COG5: variants seen among roughly 807,000 people sequenced by gnomAD.
COG5 encodes conserved oligomeric Golgi complex subunit 5.
Under a neutral mutation model 110.4 loss-of-function variants are expected in COG5, and 86 were observed. The observed-to-expected ratio is 0.78, with a 90% confidence interval of 0.65 to 0.93. The LOEUF (loss-of-function observed/expected upper bound fraction) is 0.93, where lower values mean the gene tolerates loss of function less well. Ranked by LOEUF, COG5 falls within the 40% of genes least tolerant of loss-of-function variation. The pLI is 0.00. For missense variants in COG5, 1,077 were observed against 987.0 expected, an observed-to-expected ratio of 1.09 and a Z score of -1.22; for synonymous variants, 360 against 334.6, an observed-to-expected ratio of 1.08 and a Z score of -0.83.
intron 5 of COG5, among the ~76,000 whole-genome samples, chr7:107,541,269 G>A (rs1047528449): frequency 4.6e-5 from 7 of 150,810 alleles, no homozygotes; most frequent in Admixed American, 4.6e-4. Flanking sequence ...GGCCAATACA[G>A]GTGGAATGCT....
chr7:107,252,397 G>A (rs188961251), intron 16 of COG5, among the ~76,000 whole-genome samples: 91 of 152,258 alleles, frequency 6.0e-4, no homozygotes, highest in African/African-American at 2.1e-3. Flanking sequence ...GAATTAATGT[G>A]TAGTTATAAG....
intron 6 of COG5, 150 bp from the exon 7 acceptor site, chr7:107,412,782 T>G (rs911176654): frequency 1.8e-5 from 11 of 597,028 alleles, no homozygotes; most frequent in Non-Finnish European, 2.9e-6. Context: ...AAAATACAGT[T>G]TCCCAAATAT....
chr7:107,492,761 C>T (rs1184112825), intron 6 of COG5, among the ~76,000 whole-genome samples: 1 of 152,084 alleles, frequency 6.6e-6, no homozygotes, highest in East Asian at 1.9e-4. Context: ...GAATAATCTC[C>T]CCATCTCAAA....
intron 19 of COG5, among the ~76,000 whole-genome samples, chr7:107,213,914 G>C (rs897468870): frequency 2.6e-5 from 4 of 152,064 alleles, no homozygotes; most frequent in African/African-American, 9.7e-5. Flanking sequence ...TCTAATAATG[G>C]ACCCTAAAGA....
intron 7 of COG5, among the ~76,000 whole-genome samples, chr7:107,378,917 A>G (rs1291740184): frequency 2.0e-5 from 3 of 152,222 alleles, no homozygotes; most frequent in Non-Finnish European, 4.4e-5. Flanking sequence ...CAGGAAATAC[A>G]GAGAACACCA....
intron 5 of COG5, among the ~76,000 whole-genome samples, chr7:107,545,200 G>T (rs1802321861): frequency 6.6e-6 from 1 of 152,108 alleles, no homozygotes; most frequent in South Asian, 2.1e-4. Flanking sequence ...AGAGAGAGAA[G>T]AAAGTTTATT....
intron 12 of COG5, among the ~76,000 whole-genome samples, chr7:107,284,015 C>T (rs1056790356): frequency 2.7e-5 from 4 of 150,176 alleles, no homozygotes; most frequent in African/African-American, 4.9e-5. Context: ...ACCTCTACCT[C>T]CTGGGTTCAA....
intron 14 of COG5, among the ~76,000 whole-genome samples, chr7:107,274,654 T>C (rs1388496673): frequency 6.6e-6 from 1 of 152,120 alleles, no homozygotes; most frequent in Non-Finnish European, 1.5e-5. Context: ...AAAAGACACC[T>C]AGCTAGCACC....
intron 6 of COG5, among the ~76,000 whole-genome samples, chr7:107,452,669 G>A (rs1795411268): frequency 6.6e-6 from 1 of 152,004 alleles, no homozygotes; most frequent in Non-Finnish European, 1.5e-5. Flanking sequence ...TGATTGTGAG[G>A]CCTCCCCAGC....
chr7:107,547,632 C>T (rs1172756350), intron 5 of COG5, among the ~76,000 whole-genome samples: 2 of 152,046 alleles, frequency 1.3e-5, no homozygotes, highest in African/African-American at 2.4e-5. Flanking sequence ...GATAAAGGAC[C>T]CTAAAGACTC....
chr7:107,272,720 ACTAT>A (rs766332778), intron 14 of COG5, among the ~76,000 whole-genome samples: 3 of 152,180 alleles, frequency 2.0e-5, no homozygotes, highest in Non-Finnish European at 2.9e-5. Context: ...ATATGCTAAG[ACTAT>A]CTAAGAGATA....
intron 19 of COG5, among the ~76,000 whole-genome samples, chr7:107,225,329 G>A (rs1042756402): frequency 4.6e-5 from 7 of 151,494 alleles, no homozygotes; most frequent in Non-Finnish European, 8.8e-5. Flanking sequence ...ATTTTCAAAT[G>A]GGAAAAACAA....
intron 18 of COG5, among the ~76,000 whole-genome samples, chr7:107,235,332 G>A (rs964241723): frequency 6.6e-6 from 1 of 152,184 alleles, no homozygotes; most frequent in Non-Finnish European, 1.5e-5. Context: ...AAGTGGGGAG[G>A]ATCTGGCAAA....
intron 6 of COG5, among the ~76,000 whole-genome samples, chr7:107,513,900 G>A (rs1207426198): frequency 2.6e-5 from 4 of 151,962 alleles, no homozygotes; most frequent in Non-Finnish European, 5.9e-5. Context: ...GACTGTTGTG[G>A]GGTGGGGGAA....
At chr7:107,553,431 A>C (rs934000593) in intron 3 of COG5, among the ~76,000 whole-genome samples, 1 of 152,212 alleles carries the variant, frequency 6.6e-6, no homozygotes, top group Non-Finnish European at 1.5e-5. Flanking sequence ...AGAATAAGTT[A>C]GTATCTTTGA....
intron 6 of COG5, among the ~76,000 whole-genome samples, chr7:107,470,928 C>A (rs17403088): frequency 0.12 from 18,914 of 151,786 alleles, 1,479 homozygotes; most frequent in Non-Finnish European, 0.17. Flanking sequence ...CTTATGAAAT[C>A]TGTTTTAATG....
chr7:107,449,072 T>C (rs1241567262), intron 6 of COG5, among the ~76,000 whole-genome samples: 2 of 151,880 alleles, frequency 1.3e-5, no homozygotes, highest in Admixed American at 6.6e-5. Context: ...AAATTAACTG[T>C]AGTACGAAAA....
chr7:107,544,379 T>A (rs1320299589), intron 5 of COG5, among the ~76,000 whole-genome samples: 2 of 152,174 alleles, frequency 1.3e-5, no homozygotes, highest in Non-Finnish European at 2.9e-5. Context: ...TCAGACCAGC[T>A]CTTGTGGACT....
At chr7:107,533,172 G>A (rs944255193) in intron 5 of COG5, among the ~76,000 whole-genome samples, 3 of 151,474 alleles carry the variant, frequency 2.0e-5, no homozygotes, top group African/African-American at 4.9e-5. Context: ...GTCACCAACA[G>A]CAAAGACCAA....
Sources: allele counts gnomAD v4.1 joint callset (sites outside exome capture counted in the v4.1 genomes callset), GRCh38; gene constraint gnomAD v4.1.1; transcripts MANE v1.5; gene names NCBI Gene and HGNC (gene_info 2026-07-23, HGNC 2026-07-21).